The following AGRN variants were observed in gnomAD, a reference collection of about 807,000 sequenced individuals.
AGRN encodes the protein agrin.
Under a neutral mutation model 211.0 loss-of-function variants are expected in AGRN, and 106 were observed. That is an observed-to-expected ratio of 0.50 (90% confidence interval 0.43 to 0.59). The LOEUF is 0.59. Among genes scored for constraint, AGRN ranks in the 20% least tolerant of loss-of-function variants. The pLI is 0.00. For synonymous variants in AGRN, 1,525 were observed against 1,332.5 expected (o/e 1.14, Z -3.15); for missense variants, 3,040 against 2,982.6 (o/e 1.02, Z -0.45).
In AGRN at chr1:1,031,118, G is replaced by T. The variant is rs1288616141; in HGVS notation, c.464-4159G>T. Among the ~76,000 whole-genome samples, 1 of 140,252 alleles carries T rather than the reference G, an allele frequency of 7.1e-6. No homozygotes were observed. The highest frequency in any genetic ancestry group is 1.5e-5 in the Non-Finnish European group (1 of 65,490). 92.0% of individuals were successfully genotyped at this position (140,252 alleles called of 152,430 possible). ...GTGTGTGTGTGCGGTGCATGGTGCT[G>T]TGTGAGATGTGTGTGTGTGCAGTGC... On this transcript the variant is annotated intron_variant, in intron 2 of 35. Transcript: ENST00000379370. This position sits in a 1 kb window ranked among gnomAD's most constrained non-coding sequence, Gnocchi z 4.8.
In AGRN at chr1:1,037,547, C is replaced by T. The variant is rs564423485; in HGVS notation, c.511+2223C>T. On this transcript the variant is annotated intron_variant, in intron 3 of 35. Transcript: ENST00000379370. ...AAAAGCACTGCCGCCTCCAGCGTTG[C>T]ACACAGTGGGAGGACCCGTCACGCT... Among the ~76,000 whole-genome samples, 10 of 152,304 alleles carry T rather than the reference C, an allele frequency of 6.6e-5. No homozygotes were observed. In the South Asian group the frequency reaches 2.1e-3, roughly 32 times the overall value.
At chr1:1,023,473 C>G (rs967080583) in intron 2 of AGRN, among the ~76,000 whole-genome samples, 2 of 152,078 alleles carry the variant, frequency 1.3e-5, no homozygotes, top group Non-Finnish European at 2.9e-5. Context: ...GGAGGGTCCC[C>G]TGGGTCCCCC....
intron 33 of AGRN, chr1:1,052,413 G>A: frequency 3.2e-6 from 1 of 311,272 alleles, no homozygotes; most frequent in African/African-American, 2.2e-5. Context: ...GTGTGTATAT[G>A]TGGGGGGGAC....
At position 1,041,384 on chromosome 1, in the gene AGRN, C is replaced by T; in HGVS notation, c.939C>T (p.Phe313=). The T allele has an allele frequency of 1.9e-6, 3 of 1,542,020 alleles. No individual in the cohort carries two copies. The highest frequency in any genetic ancestry group is 2.6e-6 in the Non-Finnish European group (3 of 1,150,772). The change falls in exon 5 of 36, where the codon TTC becomes TTT. Residue 313 remains phenylalanine, a synonymous_variant. Coordinates refer to ENST00000379370, the MANE Select transcript of AGRN (RefSeq NM_198576.4). ...GCCAGGAGAATGTCTTCAAGAAGTT[C>T]GACGGCCCTTGTGGTGAGCGCGGCG... ...CARQENVFKK[F]DGPCDPCQGA...
intron 2 of AGRN, among the ~76,000 whole-genome samples, chr1:1,023,012 G>A (rs761948969): frequency 2.0e-5 from 3 of 152,216 alleles, no homozygotes; most frequent in Non-Finnish European, 2.9e-5. Context: ...CAGCCTGGTG[G>A]GGGCAGAAAT....
rs1645315516 is a variant in AGRN, at chr1:1,052,205, C to T, written c.5651+390C>T. 4 of 590,454 alleles carry T rather than the reference C, an allele frequency of 6.8e-6. No individual in the cohort carries two copies. The South Asian group carries it at 7.0e-5, about 10-fold the overall frequency. 36.6% of individuals were successfully genotyped at this position (590,454 alleles called of 1,614,324 possible). ...GCAGTCGCCCCTCCCAGGGCACAGGCCGAGGGTCGCCCCACAGCCAACCCC... is the reference window on the plus strand; with the variant it reads ...GCAGTCGCCCCTCCCAGGGCACAGGTCGAGGGTCGCCCCACAGCCAACCCC... On this transcript the variant is annotated intron_variant, in intron 33 of 35. Coordinates refer to ENST00000379370, the MANE Select transcript of AGRN (RefSeq NM_198576.4).
At chr1:1,050,690 T>C (rs1401903510) in intron 29 of AGRN, 36 bp from the exon 30 acceptor site, 6 of 1,601,664 alleles carry the variant, frequency 3.7e-6, no homozygotes, top group Middle Eastern at 2.0e-4. Flanking sequence ...TGGCCGGTGG[T>C]GGACAGAGCC....
At chr1:1,038,515 G>A (rs555549188) in intron 3 of AGRN, among the ~76,000 whole-genome samples, 1 of 152,362 alleles carries the variant, frequency 6.6e-6, no homozygotes, top group East Asian at 1.9e-4. Flanking sequence ...GACGTAGCAG[G>A]ACCTCGGGCT....
At chr1:1,023,973 G>C (rs1474290495) in intron 2 of AGRN, among the ~76,000 whole-genome samples, 3 of 152,202 alleles carry the variant, frequency 2.0e-5, no homozygotes, top group Admixed American at 2.0e-4. Flanking sequence ...GCACCCGGGA[G>C]GGGCTGTGGC....
intron 14 of AGRN, 47 bp from the exon 15 acceptor site, chr1:1,045,686 G>A: frequency 6.2e-7 from 1 of 1,612,768 alleles, no homozygotes; most frequent in Non-Finnish European, 8.5e-7. Flanking sequence ...AGGTGGGGAA[G>A]CCCGTCCAGG....
chr1:1,053,554 C>A, intron 33 of AGRN, 199 bp from the exon 34 acceptor site: 1 of 1,522,106 alleles, frequency 6.6e-7, no homozygotes, highest in Middle Eastern at 1.7e-4. Flanking sequence ...TCCCGCCCGT[C>A]TCTCTGATCT....
At chr1:1,051,117 C>T (rs989813693) in intron 30 of AGRN, 136 bp from the exon 31 acceptor site, 8 of 1,539,694 alleles carry the variant, frequency 5.2e-6, no homozygotes, top group African/African-American at 4.1e-5. Flanking sequence ...CCACTAAGGA[C>T]CCTGCCATTT....
intron 3 of AGRN, among the ~76,000 whole-genome samples, chr1:1,038,119 C>T (rs1644844912): frequency 6.6e-6 from 1 of 152,158 alleles, no homozygotes; most frequent in Non-Finnish European, 1.5e-5. Flanking sequence ...AGCACTGTGA[C>T]CTTTAAACCC....
Position 1,021,145 on chromosome 1 carries a change from G to A in AGRN, c.201+772G>A, listed in dbSNP as rs192577694. Among the ~76,000 whole-genome samples, 367 of 152,340 alleles carry A rather than the reference G, an allele frequency of 2.4e-3. 10 individuals are homozygous for A. Among genetic ancestry groups the A allele is most frequent in the Non-Finnish European group, 8.5e-4 (58 of 68,026 alleles). On this transcript the variant is annotated intron_variant, in intron 1 of 35. Coordinates refer to ENST00000379370, the MANE Select transcript of AGRN (RefSeq NM_198576.4). ...ACTCATTTCCCTCCACGGAGGTGGA[G>A]AAGGTGGCAGCTTCTTTCAGACTGG...
intron 24 of AGRN, 60 bp from the exon 25 acceptor site, chr1:1,049,176 A>G (rs1570238799): frequency 2.7e-6 from 2 of 747,534 alleles, no homozygotes; most frequent in Non-Finnish European, 1.7e-6. Flanking sequence ...GGGGCAGCTC[A>G]GGTAGGCGGG....
At position 1,054,446 on chromosome 1, in the gene AGRN, A is replaced by G; in HGVS notation, c.5877-2A>G. 1.3e-6 allele frequency: 2 copies of G among 1,579,014 alleles called. No individual in the cohort carries two copies. Among genetic ancestry groups the G allele is most frequent in the Non-Finnish European group, 1.7e-6 (2 of 1,162,582 alleles). On this transcript the variant is annotated splice_acceptor_variant, in intron 34 of 35. Coordinates refer to ENST00000379370, the MANE Select transcript of AGRN (RefSeq NM_198576.4). LOFTEE classifies it high-confidence loss of function. The stretch of plus-strand genomic sequence containing the variant: ...ATGGTCTCCCCCTCCCTGCACACCC[A>G]GGGAGCAGAGGGAAGGTTCCCTGCA...
rs1273575235 is a variant in AGRN at position 1,044,070 on chromosome 1, C to T, written c.2000-39C>T. The stretch of plus-strand genomic sequence containing the variant: ...AAAACTGCTGGGCTCTGGCTTTGGA[C>T]AAGAAGCCCCTGGGTGACTCTGCTC... On this transcript the variant is annotated intron_variant, in intron 10 of 35. Coordinates refer to ENST00000379370, the MANE Select transcript of AGRN (RefSeq NM_198576.4). 5 of 1,612,752 alleles carry T rather than the reference C, an allele frequency of 3.1e-6. No individual in the cohort carries two copies. In the African/African-American group the frequency reaches 4.0e-5, roughly 13 times the overall value.
Position 1,049,260 on chromosome 1 carries a change from G to A in AGRN, c.4323G>A (p.Ala1441=), listed in dbSNP as rs373287346. The change falls in exon 25 of 36, where the codon GCG becomes GCA. Residue 1441 remains alanine, a synonymous_variant. Transcript: ENST00000379370. Reference sequence around the variant, plus strand: ...GGTTTGACACAGGTTCGGGGCCGGCGGTGCTGACCAGTGCCGTGCCGGTAG... The same window carrying A: ...GGTTTGACACAGGTTCGGGGCCGGCAGTGCTGACCAGTGCCGTGCCGGTAG... ...QLRFDTGSGP[A]VLTSAVPVEP... 260 of 1,590,696 alleles carry A rather than the reference G, an allele frequency of 1.6e-4. No individual in the cohort carries two copies. The African/African-American group carries it at 2.7e-3, about 16-fold the overall frequency.
At chr1:1,026,721 C>CG (rs1472907137) in intron 2 of AGRN, among the ~76,000 whole-genome samples, 1 of 152,158 alleles carries the variant, frequency 6.6e-6, no homozygotes, top group Non-Finnish European at 1.5e-5. Context: ...GGGCTGCAGA[C>CG]GGAAACACCG....
Sources: allele counts gnomAD v4.1 joint callset (sites outside exome capture counted in the v4.1 genomes callset), GRCh38; gene constraint gnomAD v4.1.1; non-coding constraint Gnocchi (gnomAD v3.1); transcripts MANE v1.5; gene names NCBI Gene and HGNC (gene_info 2026-07-23, HGNC 2026-07-21).